The following CHN2 variants were observed in gnomAD, a reference collection of about 807,000 sequenced individuals.
The protein encoded by CHN2 is beta-chimaerin.
A neutral mutation model predicts 56.3 loss-of-function variants in CHN2; 35 were observed. The ratio of observed to expected loss-of-function variants is 0.62; its 90% CI spans 0.47 to 0.82. The LOEUF (loss-of-function observed/expected upper bound fraction) is 0.82. Ranked by LOEUF, CHN2 falls within the 40% of genes least tolerant of loss-of-function variation. The pLI is 0.00. For synonymous variants in CHN2, 210 were observed against 212.8 expected, an observed-to-expected ratio of 0.99 and a Z score of 0.12; for missense variants, 491 against 580.5, an observed-to-expected ratio of 0.85 and a Z score of 1.58.
intron 1 of CHN2, among the ~76,000 whole-genome samples, chr7:29,203,374 C>G (rs931452629): frequency 2.9e-4 from 38 of 133,248 alleles, no homozygotes; most frequent in African/African-American, 1.1e-3. Context: ...GGCTGAGGCA[C>G]AAGAATCGCT....
intron 2 of CHN2, among the ~76,000 whole-genome samples, chr7:29,179,050 C>A (rs926472709): frequency 6.6e-6 from 1 of 152,198 alleles, no homozygotes; most frequent in Admixed American, 6.5e-5. Context: ...GGGGACCCAG[C>A]ATCTCTCTTG....
At chr7:29,340,178 A>G (rs1341922346) in intron 1 of CHN2, among the ~76,000 whole-genome samples, 1 of 152,242 alleles carries the variant, frequency 6.6e-6, no homozygotes, top group African/African-American at 2.4e-5. Flanking sequence ...ATCGAGTTGA[A>G]GAAAGCAATA....
intron 1 of CHN2, among the ~76,000 whole-genome samples, chr7:29,231,247 G>A (rs990185970): frequency 6.6e-6 from 1 of 152,144 alleles, no homozygotes; most frequent in African/African-American, 2.4e-5. Context: ...TTGGTCCACT[G>A]TTTAAATACT....
chr7:29,390,467 T>C (rs2128070968), intron 3 of CHN2, among the ~76,000 whole-genome samples: 1 of 152,324 alleles, frequency 6.6e-6, no homozygotes, highest in East Asian at 1.9e-4. Flanking sequence ...CCAGAACCAG[T>C]CTTCATTCTT....
In CHN2 at chr7:29,200,483, C is replaced by A. The variant is rs879570515; in HGVS notation, c.49+5493C>A. On this transcript the variant is annotated intron_variant, in intron 1 of 12. Coordinates refer to ENST00000222792, the MANE Select transcript of CHN2 (RefSeq NM_004067.4). The stretch of plus-strand genomic sequence containing the variant: ...CTTCCCCCCTCCCCCCTTCCCCCCC[C>A]CTTTTGTCTCTTTTTCTTCTCTCAT... 4.6e-3 allele frequency among the ~76,000 whole-genome samples: 663 copies of A among 143,022 alleles called. 1 individual carries two copies. The highest frequency in any genetic ancestry group is 8.1e-3 in the Non-Finnish European group (529 of 65,080). 93.8% of individuals were successfully genotyped at this position (143,022 alleles called of 152,430 possible). A position where few individuals can be genotyped will look rare whatever the true frequency, so the allele number is the denominator to read the frequency against.
chr7:29,464,388 C>T (rs758316137), intron 6 of CHN2, among the ~76,000 whole-genome samples: 4 of 152,052 alleles, frequency 2.6e-5, no homozygotes, highest in East Asian at 1.9e-4. Context: ...ATTTAATCAC[C>T]GAGCAACTAA....
chr7:29,216,239 G>GTA (rs1785330892), intron 1 of CHN2, among the ~76,000 whole-genome samples: 1 of 152,192 alleles, frequency 6.6e-6, no homozygotes, highest in Non-Finnish European at 1.5e-5. Context: ...AGACTCTGCA[G>GTA]TATATCTGGG....
At chr7:29,158,389 A>G (rs868555704) in intron 2 of CHN2, among the ~76,000 whole-genome samples, 8 of 152,212 alleles carry the variant, frequency 5.3e-5, no homozygotes, top group Non-Finnish European at 1.0e-4. Flanking sequence ...AACATGTAAC[A>G]TGATGTCTGA....
intron 1 of CHN2, among the ~76,000 whole-genome samples, chr7:29,282,657 G>T (rs1199818068): frequency 1.3e-5 from 2 of 152,096 alleles, no homozygotes; most frequent in African/African-American, 4.8e-5. Context: ...CAGTAAAGGA[G>T]AATTTTTTAC....
chr7:29,452,410 AC>A (rs1283395782), intron 6 of CHN2, among the ~76,000 whole-genome samples: 1 of 152,122 alleles, frequency 6.6e-6, no homozygotes, highest in Admixed American at 6.5e-5. Flanking sequence ...GAGAGGGAGT[AC>A]CCCTTAAAAA....
intron 1 of CHN2, among the ~76,000 whole-genome samples, chr7:29,350,453 G>A (rs1038393740): frequency 6.6e-6 from 1 of 152,092 alleles, no homozygotes; most frequent in Non-Finnish European, 1.5e-5. Context: ...CTTGACCAAG[G>A]CCTCCTGACA....
chr7:29,420,654 A>T (rs1049135949), intron 6 of CHN2, among the ~76,000 whole-genome samples: 15 of 152,238 alleles, frequency 9.9e-5, no homozygotes, highest in African/African-American at 3.6e-4. Flanking sequence ...GGGGAGAAGG[A>T]AATGGGGAAT....
intron 1 of CHN2, among the ~76,000 whole-genome samples, chr7:29,290,777 C>T (rs1453255815): frequency 1.3e-5 from 2 of 152,030 alleles, no homozygotes; most frequent in Admixed American, 1.3e-4. Context: ...CAGTTCTTGC[C>T]TCCTCAGAAG....
At chr7:29,199,187 T>C (rs1783962918) in intron 1 of CHN2, among the ~76,000 whole-genome samples, 1 of 152,208 alleles carries the variant, frequency 6.6e-6, no homozygotes, top group African/African-American at 2.4e-5. Context: ...CATTACTCAT[T>C]ATTGGGGAGT....
chr7:29,480,893 G>C (rs1476992), intron 7 of CHN2, among the ~76,000 whole-genome samples: 39,682 of 150,042 alleles, frequency 0.26, 5,752 homozygotes, highest in East Asian at 0.43. Context: ...CGGCTAGCAG[G>C]GGGGGCACCC....
chr7:29,289,966 A>G (rs1562893042), intron 1 of CHN2, among the ~76,000 whole-genome samples: 1 of 152,248 alleles, frequency 6.6e-6, no homozygotes, highest in Non-Finnish European at 1.5e-5. Flanking sequence ...GCTCTTACAG[A>G]TGGAGCATGC....
At chr7:29,234,858 C>T (rs1787062024) in intron 1 of CHN2, among the ~76,000 whole-genome samples, 1 of 152,154 alleles carries the variant, frequency 6.6e-6, no homozygotes, top group Non-Finnish European at 1.5e-5. Flanking sequence ...TAAGCCTTTT[C>T]CCAAGGTCTC....
intron 1 of CHN2, among the ~76,000 whole-genome samples, chr7:29,306,194 CAATA>C (rs1160394218): frequency 6.6e-6 from 1 of 152,132 alleles, no homozygotes; most frequent in Non-Finnish European, 1.5e-5. Flanking sequence ...CTGTGTAAGT[CAATA>C]AATCTTTGGT....
chr7:29,455,185 C>T (rs1415781994), intron 6 of CHN2, among the ~76,000 whole-genome samples: 1 of 152,074 alleles, frequency 6.6e-6, no homozygotes, highest in East Asian at 1.9e-4. Flanking sequence ...TTCCAGCACA[C>T]CACTAAAAAT....
Sources: gnomAD v4.1 joint callset for allele counts (sites outside exome capture counted in the v4.1 genomes callset) on GRCh38, gnomAD v4.1.1 for gene constraint, MANE v1.5 for transcripts, NCBI Gene and HGNC (gene_info 2026-07-23, HGNC 2026-07-21) for gene names.